C6orf58: variants seen among roughly 807,000 people sequenced by gnomAD.
C6orf58 encodes the protein chromosome 6 open reading frame 58.
Under a neutral mutation model 37.0 loss-of-function variants are expected in C6orf58, and 30 were observed. The ratio of observed to expected loss-of-function variants is 0.81; its 90% CI spans 0.61 to 1.10. The LOEUF (loss-of-function observed/expected upper bound fraction) is 1.10. Among genes scored for constraint, C6orf58 ranks in the 50% least tolerant of loss-of-function variants. The probability of loss-of-function intolerance (pLI) is 0.00; values close to 1 mark genes in which losing one functional copy is unlikely to be tolerated. For synonymous variants in C6orf58, 143 were observed against 134.1 expected (o/e 1.07, Z -0.46); for missense variants, 368 against 387.5 (o/e 0.95, Z 0.42).
chr6:127,590,163 C>A lies in C6orf58; in HGVS notation c.751C>A (p.Leu251Ile), dbSNP rs150023916. The A allele has an allele frequency of 1.0e-4, 165 of 1,613,650 alleles. No individual in the cohort carries two copies. The highest frequency in any genetic ancestry group is 1.4e-4 in the Non-Finnish European group (161 of 1,179,810). Residue 251 changes from leucine to isoleucine, a missense_variant, in exon 5 of 6, where the codon CTC becomes ATC. Coordinates refer to ENST00000329722, the MANE Select transcript of C6orf58 (RefSeq NM_001010905.3). ...VLAVDHLAAV[L>I]FPTTLIRSYK... ...GGCTGTGGATCATTTAGCTGCAGTC[C>A]TCTTTCCTACAACCTTGATTAGATC...
intron 4 of C6orf58, among the ~76,000 whole-genome samples, chr6:127,585,785 AT>A (rs1310075371): frequency 1.3e-5 from 2 of 151,948 alleles, no homozygotes; most frequent in Non-Finnish European, 2.9e-5. Flanking sequence ...TCAACACAAA[AT>A]TTTTTTTCAC....
intron 1 of C6orf58, 142 bp from the exon 2 acceptor site, chr6:127,578,544 A>G (rs1775013962): frequency 5.9e-6 from 3 of 505,216 alleles, no homozygotes; most frequent in Non-Finnish European, 1.1e-5. Flanking sequence ...AAGATAAAAA[A>G]AGAATGATGG....
rs1381710976 is a variant in C6orf58, at chr6:127,578,730, T to A, written c.346T>A (p.Ser116Thr). 7 of 1,612,814 alleles carry A rather than the reference T, an allele frequency of 4.3e-6. No homozygotes were observed. The highest frequency in any genetic ancestry group is 5.1e-6 in the Non-Finnish European group (6 of 1,179,132). The change falls in exon 2 of 6, where the codon TCT becomes ACT. Residue 116 changes from serine (S) to threonine (T), a missense_variant. Ser to Thr is a moderately conservative substitution (Grantham distance 58). Coordinates refer to ENST00000329722, the MANE Select transcript of C6orf58 (RefSeq NM_001010905.3). Reference sequence around the variant, plus strand: ...CCGAAGGACAAACTGTGGCTATGAATCTGGAGATCATATGTGCATCTCTGT... The same window carrying A: ...CCGAAGGACAAACTGTGGCTATGAAACTGGAGATCATATGTGCATCTCTGT... ...PTRRTNCGYE[S>T]GDHMCISVDS...
chr6:127,587,599 T>A (rs780592921), intron 4 of C6orf58, among the ~76,000 whole-genome samples: 7 of 152,240 alleles, frequency 4.6e-5, no homozygotes, highest in Non-Finnish European at 1.0e-4. Flanking sequence ...TCAAGGCTAA[T>A]GATTGTTCCT....
At chr6:127,580,070 G>A (rs547053483) in intron 2 of C6orf58, among the ~76,000 whole-genome samples, 195 bp from the exon 3 acceptor site, 4 of 151,922 alleles carry the variant, frequency 2.6e-5, no homozygotes, top group Non-Finnish European at 5.9e-5. Context: ...TGACTATAAG[G>A]TTATTAACAG....
rs748744284 is a variant in C6orf58 at position 127,590,204 on chromosome 6, G to A, written c.792G>A (p.Lys264=). The A allele has an allele frequency of 6.2e-6, 10 of 1,613,648 alleles. No individual in the cohort carries two copies. Among genetic ancestry groups the A allele is most frequent in the Middle Eastern group, 1.6e-4 (1 of 6,080 alleles). ...TGATTAGATCATATAAGTTCCAGAA[G>A]GGCATGCCACCACGAATTCTTCTTA... ...TTLIRSYKFQ[K]GMPPRILLNT... Residue 264 remains lysine (K), a synonymous_variant, in exon 5 of 6, where the codon AAG becomes AAA. Coordinates refer to ENST00000329722, the MANE Select transcript of C6orf58 (RefSeq NM_001010905.3).
intron 4 of C6orf58, among the ~76,000 whole-genome samples, chr6:127,582,461 T>G (rs1461139391): frequency 6.6e-6 from 1 of 152,196 alleles, no homozygotes; most frequent in African/African-American, 2.4e-5. Context: ...TGAATTTACT[T>G]AAGTACAGGA....
At chr6:127,580,229 G>C (rs1775034140) in intron 2 of C6orf58, 36 bp from the exon 3 acceptor site, 2 of 1,494,382 alleles carry the variant, frequency 1.3e-6, no homozygotes, top group African/African-American at 1.4e-5. Flanking sequence ...AAATTTGTTA[G>C]TGCTTGTAGT....
chr6:127,580,192 A>T (rs1489349002), intron 2 of C6orf58, 73 bp from the exon 3 acceptor site: 8 of 1,195,750 alleles, frequency 6.7e-6, no homozygotes, highest in Admixed American at 2.1e-5. Flanking sequence ...TTTATGACTT[A>T]TGCCTTCCTT....
chr6:127,586,547 C>T (rs1164261451), intron 4 of C6orf58, among the ~76,000 whole-genome samples: 1 of 152,212 alleles, frequency 6.6e-6, no homozygotes, highest in Non-Finnish European at 1.5e-5. Flanking sequence ...TGCACAAAAG[C>T]ATCTGAGGTA....
chr6:127,591,057 A>C (rs1775157734), intron 5 of C6orf58, among the ~76,000 whole-genome samples: 1 of 152,192 alleles, frequency 6.6e-6, no homozygotes, highest in African/African-American at 2.4e-5. Flanking sequence ...AACACTTTAT[A>C]GACTTCATAC....
intron 1 of C6orf58, among the ~76,000 whole-genome samples, chr6:127,577,732 G>T (rs1362204496): frequency 3.9e-5 from 6 of 152,050 alleles, no homozygotes; most frequent in Non-Finnish European, 7.4e-5. Context: ...ACTGTGAAAA[G>T]ACATCACATC....
rs78058354 is a variant in C6orf58, at chr6:127,578,855, G to T, written c.388+83G>T. 1.8e-3 allele frequency: 1,770 copies of T among 964,652 alleles called. 25 individuals are homozygous for T. The African/African-American group carries it at 0.026, about 14-fold the overall frequency. 59.8% of individuals were successfully genotyped at this position (964,652 alleles called of 1,614,324 possible). A position where few individuals can be genotyped will look rare whatever the true frequency, so the allele number is the denominator to read the frequency against. On this transcript the variant is annotated intron_variant, in intron 2 of 5. Coordinates refer to ENST00000329722, the MANE Select transcript of C6orf58 (RefSeq NM_001010905.3). ...ACCTAAAATCTTAGGGACAGAGACAGAACTAAAATAATCCTGTTCCTATTT... is the reference window on the plus strand; with the variant it reads ...ACCTAAAATCTTAGGGACAGAGACATAACTAAAATAATCCTGTTCCTATTT...
intron 3 of C6orf58, among the ~76,000 whole-genome samples, chr6:127,580,736 T>C (rs1033669817): frequency 1.3e-5 from 2 of 152,134 alleles, no homozygotes; most frequent in Admixed American, 6.6e-5. Context: ...TTCTGATTAA[T>C]TGAGTCTTCA....
chr6:127,585,158 A>G (rs1420983757), intron 4 of C6orf58, among the ~76,000 whole-genome samples: 1 of 152,210 alleles, frequency 6.6e-6, no homozygotes, highest in Non-Finnish European at 1.5e-5. Context: ...AACATTACTT[A>G]TTATTTGACA....
intron 1 of C6orf58, among the ~76,000 whole-genome samples, chr6:127,577,796 T>G (rs2114288045): frequency 6.6e-6 from 1 of 152,212 alleles, no homozygotes; most frequent in South Asian, 2.1e-4. Context: ...AGTGCCACAC[T>G]CCTTTCTAAG....
rs748733636 is a variant in C6orf58, at chr6:127,577,205, G to C, written c.20G>C (p.Trp7Ser). 3 of 1,613,248 alleles carry C rather than the reference G, an allele frequency of 1.9e-6. No individual in the cohort carries two copies. The highest frequency in any genetic ancestry group is 2.2e-5 in the South Asian group (2 of 91,030). ...GGCACAATGGCTTTTCTTCCTTCCT[G>C]GGTTTGTGTACTAGTTGGTTCCTTT... MAFLPS[W>S]VCVLVGSFSA... The change falls in exon 1 of 6, where the codon TGG becomes TCG. Residue 7 changes from tryptophan (W) to serine (S), a missense_variant. Physicochemically the swap from Trp to Ser is radical, Grantham distance 177. Transcript: ENST00000329722.
Position 127,590,226 on chromosome 6 carries a change from C to G in C6orf58, c.814C>G (p.Leu272Val). Residue 272 changes from leucine (L) to valine (V), a missense_variant, in exon 5 of 6, where the codon CTT becomes GTT. Leu to Val is a conservative substitution (Grantham distance 32). Coordinates refer to ENST00000329722, the MANE Select transcript of C6orf58 (RefSeq NM_001010905.3). ...GAAGGGCATGCCACCACGAATTCTT[C>G]TTAATACTGATGTAGCCCCTTTCAT... is the stretch of plus-strand genomic sequence containing the variant. ...FQKGMPPRILLNTDVAPFISD... is the reference protein window; with the variant it reads ...FQKGMPPRILVNTDVAPFISD... 1.9e-6 allele frequency: 3 copies of G among 1,613,782 alleles called. No homozygotes were observed. The highest frequency in any genetic ancestry group is 2.5e-6 in the Non-Finnish European group (3 of 1,179,780).
At chr6:127,583,053 AG>A (rs1488725241) in intron 4 of C6orf58, among the ~76,000 whole-genome samples, 10 of 152,214 alleles carry the variant, frequency 6.6e-5, no homozygotes, top group African/African-American at 2.4e-4. Flanking sequence ...CTAAAGGATT[AG>A]GGTTATAAAT....
Sources: allele counts gnomAD v4.1 joint callset (sites outside exome capture counted in the v4.1 genomes callset), GRCh38; gene constraint gnomAD v4.1.1; transcripts MANE v1.5; gene names NCBI Gene and HGNC (gene_info 2026-07-23, HGNC 2026-07-21).